GON4L: variants seen among roughly 807,000 people sequenced by gnomAD.
GON4L encodes gon-4 like.
Under a neutral mutation model 211.8 loss-of-function variants are expected in GON4L, and 87 were observed. That is an observed-to-expected ratio of 0.41 (90% CI 0.35 to 0.49). The LOEUF (loss-of-function observed/expected upper bound fraction) is 0.49, where lower values mean the gene tolerates loss of function less well. Ranked by LOEUF, GON4L falls within the 20% of genes least tolerant of loss-of-function variation. GON4L has a pLI of 0.15. For missense variants in GON4L, 2,155 were observed against 2,659.5 expected (o/e 0.81, Z 4.17); for synonymous variants, 875 against 962.6 (o/e 0.91, Z 1.68).
intron 11 of GON4L, among the ~76,000 whole-genome samples, chr1:155,799,030 T>C (rs1260009008): frequency 6.6e-6 from 1 of 152,214 alleles, no homozygotes; most frequent in East Asian, 1.9e-4. Flanking sequence ...CCAGCTGATA[T>C]ACCCCTCCTG....
chr1:155,817,548 C>T (rs1027775524), intron 6 of GON4L, among the ~76,000 whole-genome samples: 2 of 152,096 alleles, frequency 1.3e-5, no homozygotes, highest in Non-Finnish European at 2.9e-5. Flanking sequence ...GGCCCATTTC[C>T]CTTTCCTACC....
At chr1:155,781,607 C>A (rs1050577837) in intron 14 of GON4L, among the ~76,000 whole-genome samples, 6 of 152,040 alleles carry the variant, frequency 3.9e-5, no homozygotes, top group Non-Finnish European at 7.4e-5. Context: ...GGATTACAGG[C>A]GAGTGCTACC....
In GON4L at chr1:155,750,496, A is replaced by G; in HGVS notation, c.*88T>C. The G allele has an allele frequency of 9.0e-7, 1 of 1,112,878 alleles. No individual in the cohort carries two copies. Among genetic ancestry groups the G allele is most frequent in the Non-Finnish European group, 1.4e-6 (1 of 735,876 alleles). 68.9% of individuals were successfully genotyped at this position (1,112,878 alleles called of 1,614,324 possible). A position where few individuals can be genotyped will look rare whatever the true frequency, so the allele number is the denominator to read the frequency against. ...CTCTCCAGATCTGTAAACTGGGCTC[A>G]AGGACTGTACAAGCAGAGTACAACT... On this transcript the variant is annotated 3_prime_UTR_variant, in exon 32 of 32. Transcript: ENST00000368331.
At chr1:155,826,515 G>A (rs111324936) in intron 3 of GON4L, among the ~76,000 whole-genome samples, 9,910 of 148,588 alleles carry the variant, frequency 0.067, 408 homozygotes, top group African/African-American at 0.11. Flanking sequence ...GCCGTGAGCC[G>A]AGATCACGCC....
intron 10 of GON4L, among the ~76,000 whole-genome samples, chr1:155,812,418 TTAAA>T (rs774179502): frequency 1.3e-5 from 2 of 152,082 alleles, no homozygotes; most frequent in Non-Finnish European, 2.9e-5. Flanking sequence ...AACAAGATAA[TTAAA>T]TAGATATTTA....
At chr1:155,777,931 TCC>T (rs1663999385) in intron 14 of GON4L, 111 bp from the exon 15 acceptor site, 4 of 737,080 alleles carry the variant, frequency 5.4e-6, no homozygotes, top group Non-Finnish European at 7.3e-6. Flanking sequence ...TCCCTACTAA[TCC>T]CCCATCTCAC....
intron 12 of GON4L, among the ~76,000 whole-genome samples, 190 bp downstream of exon 12, chr1:155,794,860 T>C (rs1376487698): frequency 6.6e-6 from 1 of 152,200 alleles, no homozygotes; most frequent in Non-Finnish European, 1.5e-5. Context: ...CTGTGGGATA[T>C]ACAAATGAAT....
intron 2 of GON4L, chr1:155,846,112 C>A: frequency 8.7e-6 from 2 of 230,096 alleles, no homozygotes; most frequent in South Asian, 1.6e-4. Flanking sequence ...AGGCCTTTTA[C>A]CTGAAGACCA....
intron 2 of GON4L, among the ~76,000 whole-genome samples, chr1:155,842,231 A>AT (rs1042518350): frequency 2.6e-5 from 4 of 152,110 alleles, no homozygotes; most frequent in African/African-American, 9.7e-5. Context: ...ACCTAGTCCT[A>AT]TTAAAAACTT....
chr1:155,851,232 T>C (rs1414715984), intron 2 of GON4L, among the ~76,000 whole-genome samples: 5 of 150,966 alleles, frequency 3.3e-5, no homozygotes, highest in Admixed American at 6.6e-5. Flanking sequence ...CAGACACCTG[T>C]AGTCCCAGCT....
chr1:155,832,584 A>G (rs1215841836), intron 2 of GON4L, among the ~76,000 whole-genome samples: 1 of 152,202 alleles, frequency 6.6e-6, no homozygotes, highest in Non-Finnish European at 1.5e-5. Context: ...GGTTGTGGTG[A>G]GCCAAGATCA....
intron 19 of GON4L, among the ~76,000 whole-genome samples, chr1:155,768,185 C>T (rs374392252): frequency 6.6e-6 from 1 of 151,924 alleles, no homozygotes; most frequent in Non-Finnish European, 1.5e-5. Context: ...CACCTGTAAT[C>T]CCAGCTACTC....
At chr1:155,777,948 G>C in intron 14 of GON4L, 128 bp from the exon 15 acceptor site, 1 of 715,034 alleles carries the variant, frequency 1.4e-6, no homozygotes. Context: ...TCTCACTTTA[G>C]CCAACAGTCA....
In GON4L at chr1:155,813,857, GAAAGCAAAA is replaced by G. The variant is rs1049320143; in HGVS notation, c.1282-62_1282-54del. ...AAAGGAAGGAGGTAAGAAAGAAAGAGAAAGCAAAAAAAGGAAAAAAAGAGAGGGAAAAAG... is the reference window on the plus strand; with the variant it reads ...AAAGGAAGGAGGTAAGAAAGAAAGAGAAAGGAAAAAAAGAGAGGGAAAAAG... On this transcript the variant is annotated intron_variant, in intron 9 of 31. Transcript: ENST00000368331. 1.8e-4 allele frequency: 269 copies of G among 1,517,750 alleles called. 1 individual carries two copies. Among genetic ancestry groups the G allele is most frequent in the South Asian group, 4.4e-4 (39 of 87,918 alleles). 94.0% of individuals were successfully genotyped at this position (1,517,750 alleles called of 1,614,324 possible). A position where few individuals can be genotyped will look rare whatever the true frequency, so the allele number is the denominator to read the frequency against.
intron 1 of GON4L, among the ~76,000 whole-genome samples, 168 bp downstream of exon 1, chr1:155,856,979 C>A (rs1160073686): frequency 6.6e-6 from 1 of 152,130 alleles, no homozygotes; most frequent in Non-Finnish European, 1.5e-5. Flanking sequence ...CACCTCGGTG[C>A]CCAGGGCTGG....
At chr1:155,824,964 A>G (rs1409962269) in intron 3 of GON4L, among the ~76,000 whole-genome samples, 5 of 151,980 alleles carry the variant, frequency 3.3e-5, no homozygotes, top group Non-Finnish European at 7.4e-5. Context: ...CCTGGGCAAC[A>G]TAGTGAAAAC....
At chr1:155,749,254 A>G (rs1418205974), downstream of GON4L, 13 of 1,568,506 alleles carry the variant, frequency 8.3e-6, no homozygotes, top group African/African-American at 1.4e-5. Context: ...CTCTGTCTCA[A>G]AAAGAAAAAG....
chr1:155,767,221 TTATTATTTTACC>T, intron 20 of GON4L, 192 bp downstream of exon 20: 1 of 1,251,148 alleles, frequency 8.0e-7, no homozygotes, highest in Non-Finnish European at 1.1e-6. Flanking sequence ...CTTTAGCAAA[TTATTATTTTACC>T]TATTATTTTG....
intron 10 of GON4L, among the ~76,000 whole-genome samples, chr1:155,807,703 CAAAAAAAAA>C (rs61248477): frequency 0.014 from 753 of 52,962 alleles, 20 homozygotes; most frequent in African/African-American, 0.058. Context: ...GACTCCGTCT[CAAAAAAAAA>C]AAAAAAAAAA....
Sources: allele counts gnomAD v4.1 joint callset (sites outside exome capture counted in the v4.1 genomes callset), GRCh38; gene constraint gnomAD v4.1.1; transcripts MANE v1.5; gene names NCBI Gene and HGNC (gene_info 2026-07-23, HGNC 2026-07-21).